MYH10: variants seen among roughly 807,000 people sequenced by gnomAD.
The protein encoded by MYH10 is myosin heavy chain 10.
Under a neutral mutation model 257.8 loss-of-function variants are expected in MYH10, and 55 were observed. The ratio of observed to expected loss-of-function variants is 0.21; its 90% CI spans 0.17 to 0.27. MYH10 has a LOEUF of 0.27. MYH10 is among the 10% of genes least tolerant of loss of function. The pLI is 1.00. For missense variants in MYH10, 1,631 were observed against 2,500.6 expected, an observed-to-expected ratio of 0.65 and a Z score of 7.42; for synonymous variants, 854 against 921.7, an observed-to-expected ratio of 0.93 and a Z score of 1.33.
chr17:8,564,081 C>T (rs2083085453), intron 7 of MYH10, among the ~76,000 whole-genome samples: 1 of 152,146 alleles, frequency 6.6e-6, no homozygotes, highest in Non-Finnish European at 1.5e-5. Context: ...ACATAAATCT[C>T]CTCCATCTGG....
Position 8,526,334 on chromosome 17 carries a change from C to T in MYH10, c.1957+4289G>A, listed in dbSNP as rs147552040. On this transcript the variant is annotated intron_variant, in intron 17 of 42. Coordinates refer to ENST00000360416, the MANE Select transcript of MYH10 (RefSeq NM_001256012.3). Reference sequence around the variant, plus strand: ...GACTCCAGCAGCTCCTTGAAATGGGCGGCGCGCCTCACTGGAAGACCTAAT... The same window carrying T: ...GACTCCAGCAGCTCCTTGAAATGGGTGGCGCGCCTCACTGGAAGACCTAAT... 7.1e-3 allele frequency among the ~76,000 whole-genome samples: 1,085 copies of T among 152,262 alleles called. 18 individuals carry two copies. The highest frequency in any genetic ancestry group is 0.023 in the African/African-American group (976 of 41,540).
At chr17:8,482,674 TA>T (rs1567771471) in intron 37 of MYH10, among the ~76,000 whole-genome samples, 2 of 152,258 alleles carry the variant, frequency 1.3e-5, no homozygotes, top group East Asian at 3.9e-4. Context: ...GTGTCAGAAA[TA>T]GGGGGAAGGG....
At chr17:8,512,368 A>G (rs1045943615) in intron 24 of MYH10, 83 bp downstream of exon 24, 3 of 1,154,424 alleles carry the variant, frequency 2.6e-6, no homozygotes, top group Non-Finnish European at 3.7e-6. Flanking sequence ...GGACTTAAGA[A>G]TCCAAACACA....
At chr17:8,515,833 C>T (rs1301397281) in intron 21 of MYH10, among the ~76,000 whole-genome samples, 2 of 152,066 alleles carry the variant, frequency 1.3e-5, no homozygotes, top group South Asian at 2.1e-4. Flanking sequence ...TGTGAGCCAC[C>T]GTGCCTGGCC....
At chr17:8,608,972 C>T (rs2084920187) in intron 2 of MYH10, among the ~76,000 whole-genome samples, 1 of 152,152 alleles carries the variant, frequency 6.6e-6, no homozygotes. Context: ...CACCACGCCC[C>T]GCTAATTTTT....
intron 13 of MYH10, among the ~76,000 whole-genome samples, chr17:8,544,675 C>G (rs1460762458): frequency 6.6e-6 from 1 of 151,858 alleles, no homozygotes; most frequent in Non-Finnish European, 1.5e-5. Flanking sequence ...ATATTTGTGC[C>G]GTACTATATT....
In MYH10 at chr17:8,506,525, C is replaced by CGTG. The variant is rs2081078963; in HGVS notation, c.3215-37_3215-36insCAC. On this transcript the variant is annotated intron_variant, in intron 26 of 42. Coordinates refer to ENST00000360416, the MANE Select transcript of MYH10 (RefSeq NM_001256012.3). This position sits in a 1 kb window ranked among gnomAD's most constrained non-coding sequence, Gnocchi z 5.0. Reference sequence around the variant, plus strand: ...AGACATAAGAAGCTCTTCAACACACCGAGTGACTCACCACAGGAATAAACT... The same window carrying CGTG: ...AGACATAAGAAGCTCTTCAACACACCGTGGAGTGACTCACCACAGGAATAAACT... The CGTG allele has an allele frequency of 6.3e-7, 1 of 1,586,280 alleles. No individual in the cohort carries two copies. Among genetic ancestry groups the CGTG allele is most frequent in the Non-Finnish European group, 8.5e-7 (1 of 1,170,110 alleles).
chr17:8,578,086 C>T (rs1156938699), intron 4 of MYH10, among the ~76,000 whole-genome samples: 1 of 152,140 alleles, frequency 6.6e-6, no homozygotes, highest in Non-Finnish European at 1.5e-5. Context: ...TACTCATCTT[C>T]AAAGCCACTG....
In MYH10 at chr17:8,490,689, A is replaced by G. The variant is rs1915629818; in HGVS notation, c.4672-137T>C. ...CCTGGGCCGGCCCCCTGCCACATGC[A>G]TACACATCCTTCCCTCTCCCCTGAA... On this transcript the variant is annotated intron_variant, in intron 34 of 42. Coordinates refer to ENST00000360416, the MANE Select transcript of MYH10 (RefSeq NM_001256012.3). This position sits in a 1 kb window ranked among gnomAD's most constrained non-coding sequence, Gnocchi z 4.1. 2.8e-6 allele frequency: 2 copies of G among 719,226 alleles called. No individual in the cohort carries two copies. The highest frequency in any genetic ancestry group is 1.8e-5 in the African/African-American group (1 of 57,004). 44.6% of individuals were successfully genotyped at this position (719,226 alleles called of 1,614,324 possible).
chr17:8,510,705 T>C (rs1350668296), intron 24 of MYH10, among the ~76,000 whole-genome samples: 5 of 152,314 alleles, frequency 3.3e-5, no homozygotes, highest in African/African-American at 1.2e-4. Context: ...TTAATTTAGC[T>C]GAATCCAACT....
rs200687787 is a variant in MYH10, at chr17:8,531,351, A to AT, written c.1895-667dup. Among the ~76,000 whole-genome samples the AT allele has an allele frequency of 6.9e-4, 102 of 147,818 alleles. 1 individual carries two copies. The highest frequency in any genetic ancestry group is 5.3e-3 in the East Asian group (27 of 5,064). On this transcript the variant is annotated intron_variant, in intron 16 of 42. Transcript: ENST00000360416. ...TTGACATGAAAATGCAATCTTTAGG[A>AT]TTTTTTTTTTTCCTCAATATAAGCT...
intron 26 of MYH10, 80 bp downstream of exon 26, chr17:8,508,474 A>T: frequency 1.3e-6 from 2 of 1,569,608 alleles, no homozygotes; most frequent in Admixed American, 1.8e-5. Context: ...TATATTTTTT[A>T]TTTTTGCATG....
chr17:8,560,854 T>G, intron 7 of MYH10: 1 of 561,046 alleles, frequency 1.8e-6, no homozygotes, highest in South Asian at 1.5e-5. Context: ...GCACAAGGTC[T>G]TTGGCAAAGT....
chr17:8,615,718 T>A (rs1257102972), intron 2 of MYH10, among the ~76,000 whole-genome samples: 1 of 152,116 alleles, frequency 6.6e-6, no homozygotes, highest in African/African-American at 2.4e-5. Flanking sequence ...GGAAAAACAT[T>A]TGATAAATTA....
At position 8,558,613 on chromosome 17, in the gene MYH10, T is replaced by C. The variant is rs564405431; in HGVS notation, c.757-4595A>G. Reference sequence around the variant, plus strand: ...TCTACTATGTTGAAGAGATACAACATTCTGGGTTAATAGCTATTCGAGATA... The same window carrying C: ...TCTACTATGTTGAAGAGATACAACACTCTGGGTTAATAGCTATTCGAGATA... On this transcript the variant is annotated intron_variant, in intron 7 of 42. Coordinates refer to ENST00000360416, the MANE Select transcript of MYH10 (RefSeq NM_001256012.3). 5.2e-4 allele frequency among the ~76,000 whole-genome samples: 79 copies of C among 152,320 alleles called. 1 individual carries two copies. Among genetic ancestry groups the C allele is most frequent in the African/African-American group, 1.7e-3 (72 of 41,560 alleles).
chr17:8,514,371 G>C (rs1163399800), intron 21 of MYH10, among the ~76,000 whole-genome samples: 1 of 151,980 alleles, frequency 6.6e-6, no homozygotes, highest in Non-Finnish European at 1.5e-5. Context: ...CCTCCACTTT[G>C]CCGCAATGGA....
intron 7 of MYH10, among the ~76,000 whole-genome samples, chr17:8,557,659 C>A (rs917361739): frequency 6.6e-6 from 1 of 152,184 alleles, no homozygotes; most frequent in Non-Finnish European, 1.5e-5. Flanking sequence ...TGCCACTAAA[C>A]CACGGAGTGT....
intron 3 of MYH10, among the ~76,000 whole-genome samples, chr17:8,596,153 CTTTTTT>C (rs11347837): frequency 2.7e-5 from 3 of 110,406 alleles, no homozygotes; most frequent in African/African-American, 9.8e-5. Flanking sequence ...TATTTTCTGA[CTTTTTT>C]TTTTTTTTTT....
At chr17:8,630,119 C>T (rs920072013) in intron 1 of MYH10, among the ~76,000 whole-genome samples, 4 of 151,894 alleles carry the variant, frequency 2.6e-5, no homozygotes, top group Non-Finnish European at 4.4e-5. Context: ...CCCTTCCTGC[C>T]CAGCGCCCCC....
Sources: allele counts gnomAD v4.1 joint callset (sites outside exome capture counted in the v4.1 genomes callset), GRCh38; gene constraint gnomAD v4.1.1; non-coding constraint Gnocchi (gnomAD v3.1); transcripts MANE v1.5; gene names NCBI Gene and HGNC (gene_info 2026-07-23, HGNC 2026-07-21).